Variants in CNTNAP4 observed in about 807,000 individuals in gnomAD.
CNTNAP4 encodes the protein contactin-associated protein-like 4.
A neutral mutation model predicts 148.4 loss-of-function variants in CNTNAP4; 98 were observed. The ratio of observed to expected loss-of-function variants is 0.66; its 90% CI spans 0.56 to 0.78. The LOEUF is 0.78. CNTNAP4 is among the 30% of genes least tolerant of loss of function. The pLI, the probability that CNTNAP4 is intolerant of heterozygous loss-of-function variation, is 0.00. For missense variants in CNTNAP4, 1,935 were observed against 1,565.6 expected (o/e 1.24, Z -3.98); for synonymous variants, 730 against 565.1 (o/e 1.29, Z -4.14).
At chr16:76,370,929 G>A (rs78740581) in intron 3 of CNTNAP4, among the ~76,000 whole-genome samples, 1 of 151,734 alleles carries the variant, frequency 6.6e-6, no homozygotes, top group Admixed American at 6.6e-5. Context: ...TACATTTAGC[G>A]CTCTTCTGTC....
chr16:76,409,993 G>C (rs941691062), intron 3 of CNTNAP4, among the ~76,000 whole-genome samples: 8 of 151,882 alleles, frequency 5.3e-5, no homozygotes, highest in East Asian at 3.8e-4. Flanking sequence ...TTGGAAGTAA[G>C]TATTCTTATC....
chr16:76,328,975 G>T (rs1319698080), intron 2 of CNTNAP4, among the ~76,000 whole-genome samples: 4 of 152,302 alleles, frequency 2.6e-5, no homozygotes, highest in Admixed American at 1.3e-4. Flanking sequence ...TGGGCAAAGG[G>T]TGTTTTGGGA....
chr16:76,460,773 A>AAAAATATATATATATATAT, intron 8 of CNTNAP4, among the ~76,000 whole-genome samples: 3 of 57,316 alleles, frequency 5.2e-5, no homozygotes, highest in African/African-American at 1.3e-4. Flanking sequence ...AAAAAAAAAA[A>AAAAATATATATATATATAT]ATATATATAT....
intron 2 of CNTNAP4, among the ~76,000 whole-genome samples, chr16:76,336,417 A>G (rs1964031492): frequency 6.6e-6 from 1 of 152,208 alleles, no homozygotes; most frequent in Admixed American, 6.5e-5. Flanking sequence ...ACGGGAATTG[A>G]CAAATACTAC....
At chr16:76,494,283 C>T (rs1241611278) in intron 13 of CNTNAP4, among the ~76,000 whole-genome samples, 1 of 152,064 alleles carries the variant, frequency 6.6e-6, no homozygotes, top group East Asian at 1.9e-4. Flanking sequence ...GTGTAATATT[C>T]GCTTCCAGCA....
At chr16:76,469,820 T>C (rs1400526752) in intron 10 of CNTNAP4, among the ~76,000 whole-genome samples, 1 of 152,174 alleles carries the variant, frequency 6.6e-6, no homozygotes, top group Non-Finnish European at 1.5e-5. Flanking sequence ...ATCCTAACAA[T>C]CTTAAAAATA....
intron 1 of CNTNAP4, among the ~76,000 whole-genome samples, chr16:76,304,239 C>T (rs373974043): frequency 6.6e-6 from 1 of 152,156 alleles, no homozygotes; most frequent in Non-Finnish European, 1.5e-5. Flanking sequence ...AGAGGCAGAA[C>T]TTGAACCCAC....
chr16:76,288,858 T>C (rs1037475278), intron 1 of CNTNAP4, among the ~76,000 whole-genome samples: 1 of 152,146 alleles, frequency 6.6e-6, no homozygotes, highest in Non-Finnish European at 1.5e-5. Context: ...AATTGTGTTA[T>C]TTTGGTGATT....
chr16:76,394,464 A>G (rs1232934646), intron 3 of CNTNAP4, among the ~76,000 whole-genome samples: 1 of 152,224 alleles, frequency 6.6e-6, no homozygotes, highest in Admixed American at 6.5e-5. Flanking sequence ...TAATTACAAA[A>G]TGATTTAATA....
rs1164227102 is a variant in CNTNAP4 at position 76,364,738 on chromosome 16, A to T, written c.390+9227A>T. Among the ~76,000 whole-genome samples the T allele has an allele frequency of 3.3e-5, 5 of 152,288 alleles. No homozygotes were observed. In the East Asian group the frequency reaches 9.6e-4, roughly 29 times the overall value. On this transcript the variant is annotated intron_variant, in intron 3 of 23. Coordinates refer to ENST00000611870, the MANE Select transcript of CNTNAP4 (RefSeq NM_033401.5). ...ACTAATACTTCCCATTCACTTTGCT[A>T]ATTTTCCATCTTTAATTTATATACT...
chr16:76,432,536 T>C (rs777994098), intron 4 of CNTNAP4: 1 of 152,092 alleles, frequency 6.6e-6, no homozygotes, highest in Non-Finnish European at 1.5e-5. Context: ...AGTAAATTAC[T>C]GGTGGGAGAA....
intron 2 of CNTNAP4, among the ~76,000 whole-genome samples, chr16:76,353,890 G>C (rs1442805193): frequency 6.6e-6 from 1 of 152,152 alleles, no homozygotes; most frequent in African/African-American, 2.4e-5. Context: ...GTCCTACAAT[G>C]GCATACGCCC....
At chr16:76,475,849 A>T in intron 10 of CNTNAP4, 90 bp from the exon 11 acceptor site, 1 of 799,858 alleles carries the variant, frequency 1.3e-6, no homozygotes, top group South Asian at 1.6e-5. Flanking sequence ...TATAGTTGAC[A>T]TCTGTCTTTC....
intron 2 of CNTNAP4, among the ~76,000 whole-genome samples, chr16:76,354,408 A>G (rs2012288358): frequency 6.6e-6 from 1 of 152,150 alleles, no homozygotes; most frequent in African/African-American, 2.4e-5. Context: ...ATACATCACA[A>G]CTTGTATTCT....
chr16:76,335,083 T>C (rs538422311), intron 2 of CNTNAP4, among the ~76,000 whole-genome samples: 20 of 152,208 alleles, frequency 1.3e-4, no homozygotes, highest in Non-Finnish European at 2.6e-4. Flanking sequence ...GTTATCAAAC[T>C]GAGGTCACAG....
intron 3 of CNTNAP4, among the ~76,000 whole-genome samples, chr16:76,410,198 T>C (rs1460331765): frequency 1.3e-5 from 2 of 151,720 alleles, no homozygotes; most frequent in African/African-American, 2.4e-5. Context: ...GAAGGGAGTA[T>C]TAATATTTCA....
rs552773783 is a variant in CNTNAP4, at chr16:76,535,332, GA to G, written c.2756-205del. On this transcript the variant is annotated intron_variant, in intron 17 of 23. Coordinates refer to ENST00000611870, the MANE Select transcript of CNTNAP4 (RefSeq NM_033401.5). ...TTTAAAGATCAATAAATATTTTTTA[GA>G]AAAAAAATGTAACATATTCAACTTT... 4.7e-3 allele frequency among the ~76,000 whole-genome samples: 707 copies of G among 151,280 alleles called. 4 individuals carry two copies. Among genetic ancestry groups the G allele is most frequent in the African/African-American group, 0.017 (687 of 41,262 alleles).
rs992460814 is a variant in CNTNAP4, at chr16:76,539,801, A to G, written c.3303A>G (p.Gly1101=). 1.2e-6 allele frequency: 2 copies of G among 1,604,118 alleles called. No individual in the cohort carries two copies. The highest frequency in any genetic ancestry group is 1.1e-5 in the South Asian group (1 of 89,532). ...TTGATTTTAAAAACATGGCTGATGG[A>G]CAACTTCACCACATAATGATTAACA... ...VNFDFKNMAD[G]QLHHIMINRE... Residue 1101 remains glycine, a synonymous_variant, in exon 20 of 24, where the codon GGA becomes GGG. Coordinates refer to ENST00000611870, the MANE Select transcript of CNTNAP4 (RefSeq NM_033401.5).
Position 76,403,038 on chromosome 16 carries a change from C to T in CNTNAP4, c.391-24414C>T, listed in dbSNP as rs529071214. The stretch of plus-strand genomic sequence containing the variant: ...TGTAGTTTTTGGGTGAAGAAAAAAA[C>T]AACTCCATTAAAACGCGGGAAAAGG... On this transcript the variant is annotated intron_variant, in intron 3 of 23. Coordinates refer to ENST00000611870, the MANE Select transcript of CNTNAP4 (RefSeq NM_033401.5). 8.6e-5 allele frequency among the ~76,000 whole-genome samples: 13 copies of T among 151,444 alleles called. No homozygotes were observed. In the South Asian group the frequency reaches 2.7e-3, roughly 32 times the overall value.
Sources: allele counts gnomAD v4.1 joint callset (sites outside exome capture counted in the v4.1 genomes callset), GRCh38; gene constraint gnomAD v4.1.1; transcripts MANE v1.5; gene names NCBI Gene and HGNC (gene_info 2026-07-23, HGNC 2026-07-21).